PRELID2: variants seen among roughly 807,000 people sequenced by gnomAD.
PRELID2 encodes the protein PRELI domain containing 2, also known as PRELI domain-containing protein 2.
Under a neutral mutation model 28.4 loss-of-function variants are expected in PRELID2, and 25 were observed. The ratio of observed to expected loss-of-function variants is 0.88; its 90% CI spans 0.64 to 1.23. The LOEUF (loss-of-function observed/expected upper bound fraction) is 1.23, where lower values mean the gene tolerates loss of function less well. Among genes scored for constraint, PRELID2 ranks in the 50% most tolerant of loss-of-function variants. The probability of loss-of-function intolerance (pLI) is 0.00; values close to 1 mark genes in which losing one functional copy is unlikely to be tolerated. For missense variants in PRELID2, 201 were observed against 214.4 expected (o/e 0.94, Z 0.39); for synonymous variants, 76 against 71.6 (o/e 1.06, Z -0.31).
At chr5:145,630,786 T>G (rs891857747) in intron 1 of PRELID2, among the ~76,000 whole-genome samples, 2 of 152,202 alleles carry the variant, frequency 1.3e-5, no homozygotes, top group Non-Finnish European at 2.9e-5. Flanking sequence ...AAGAAACTAC[T>G]GCTCACCTTT....
At chr5:145,254,298 A>C in the PRELID2 span, among the ~76,000 whole-genome samples, 1 of 152,200 alleles carries the variant, frequency 6.6e-6, no homozygotes, top group African/African-American at 2.4e-5. Flanking sequence ...TTGTATATCC[A>C]ATAAATATTA....
downstream of PRELID2, among the ~76,000 whole-genome samples, chr5:145,469,368 C>T (rs1354089674): frequency 2.0e-5 from 3 of 152,194 alleles, no homozygotes; most frequent in East Asian, 3.9e-4. Context: ...AAGTAAAAAA[C>T]AGAAGGGTCC....
chr5:145,290,077 G>A, the PRELID2 span, among the ~76,000 whole-genome samples: 3 of 152,248 alleles, frequency 2.0e-5, no homozygotes, highest in East Asian at 3.9e-4. Context: ...TTAGAATGGT[G>A]ATCATTAAAA....
At position 145,800,301 on chromosome 5, in the gene PRELID2, TACAC is replaced by T. The variant is rs10555229; in HGVS notation, c.369-3758_369-3755del. 2.9e-3 allele frequency among the ~76,000 whole-genome samples: 400 copies of T among 138,550 alleles called. 1 individual carries two copies. Among genetic ancestry groups the T allele is most frequent in the African/African-American group, 9.1e-3 (338 of 37,158 alleles). The allele number at this position is 138,550 out of a possible 152,430, so 90.9% of individuals were successfully genotyped here. Reference sequence around the variant, plus strand: ...CCCCTTCCCTTTCCTCCCCTTCTCTTACACACACACACACACACACACACACACA... The same window carrying T: ...CCCCTTCCCTTTCCTCCCCTTCTCTTACACACACACACACACACACACACA... On this transcript the variant is annotated intron_variant, in intron 4 of 6. Transcript: ENST00000683046.
intron 1 of PRELID2, chr5:145,825,987 G>A: frequency 1.0e-6 from 1 of 982,780 alleles, no homozygotes; most frequent in Non-Finnish European, 1.2e-6. Flanking sequence ...GTCAATACCA[G>A]GAACACTTAC....
chr5:145,755,722 A>G (rs1205769436), downstream of PRELID2, among the ~76,000 whole-genome samples: 4 of 138,346 alleles, frequency 2.9e-5, no homozygotes, highest in Non-Finnish European at 6.2e-5. Context: ...ATATAATGAT[A>G]CACGCCTTCT....
At chr5:145,529,468 A>T (rs1752637467) in intron 1 of PRELID2, among the ~76,000 whole-genome samples, 1 of 152,200 alleles carries the variant, frequency 6.6e-6, no homozygotes, top group African/African-American at 2.4e-5. Context: ...TTCATGGTTT[A>T]TAAAGTACTT....
the PRELID2 span, among the ~76,000 whole-genome samples, chr5:145,379,894 G>A: frequency 6.6e-6 from 1 of 152,130 alleles, no homozygotes; most frequent in African/African-American, 2.4e-5. Flanking sequence ...AGATCCCCAG[G>A]AGAGACCAGC....
chr5:145,435,994 A>C, the PRELID2 span, among the ~76,000 whole-genome samples: 1 of 152,140 alleles, frequency 6.6e-6, no homozygotes, highest in Admixed American at 6.5e-5. Context: ...TATATGGGAA[A>C]ATTGTGTGTC....
chr5:145,817,421 T>TTATATATATATATTTATATATATATATA (rs1554099436), intron 4 of PRELID2, among the ~76,000 whole-genome samples: 38 of 103,586 alleles, frequency 3.7e-4, no homozygotes, highest in Non-Finnish European at 4.1e-4. Flanking sequence ...TAAGCTAGTT[T>TTATATATATATATTTATATATATATATA]TATATATATA....
At chr5:145,768,573 A>T (rs1757916083) in intron 5 of PRELID2, among the ~76,000 whole-genome samples, 1 of 152,172 alleles carries the variant, frequency 6.6e-6, no homozygotes, top group South Asian at 2.1e-4. Context: ...AAAAACTATC[A>T]CATTAATTCT....
chr5:145,795,038 A>G (rs1440342276), intron 5 of PRELID2: 1 of 152,082 alleles, frequency 6.6e-6, no homozygotes, highest in East Asian at 1.9e-4. Flanking sequence ...CCTCCCCCTC[A>G]AAAAAATCCC....
At chr5:145,600,434 A>AAATATAT (rs1315631607) in intron 1 of PRELID2, among the ~76,000 whole-genome samples, 7 of 120,094 alleles carry the variant, frequency 5.8e-5, no homozygotes, top group African/African-American at 1.6e-4. Context: ...AAAAAAAAAA[A>AAATATAT]ATATATATAT....
chr5:145,253,493 T>C, the PRELID2 span, among the ~76,000 whole-genome samples: 1 of 152,108 alleles, frequency 6.6e-6, no homozygotes, highest in Non-Finnish European at 1.5e-5. Context: ...GAGATCCATC[T>C]GACATCCATG....
At chr5:145,386,269 G>A in the PRELID2 span, among the ~76,000 whole-genome samples, 1 of 151,940 alleles carries the variant, frequency 6.6e-6, no homozygotes, top group African/African-American at 2.4e-5. Context: ...GCATGGAGGT[G>A]GAGGTAACCA....
At chr5:145,262,160 T>C in the PRELID2 span, among the ~76,000 whole-genome samples, 2 of 151,976 alleles carry the variant, frequency 1.3e-5, no homozygotes, top group East Asian at 1.9e-4. Flanking sequence ...GAAAAAAGAA[T>C]TTTAGAAAAT....
chr5:145,306,808 C>G, the PRELID2 span, among the ~76,000 whole-genome samples: 158 of 151,906 alleles, frequency 1.0e-3, 1 homozygote, highest in Middle Eastern at 3.5e-3. Flanking sequence ...ACCAGTCCAT[C>G]AACAGAATAT....
intron 1 of PRELID2, among the ~76,000 whole-genome samples, chr5:145,548,892 A>T (rs1430657061): frequency 1.3e-5 from 2 of 152,152 alleles, no homozygotes; most frequent in African/African-American, 4.8e-5. Flanking sequence ...ACCCCTGATA[A>T]TCCCAATCAA....
chr5:145,405,981 A>G, the PRELID2 span, among the ~76,000 whole-genome samples: 2 of 152,150 alleles, frequency 1.3e-5, no homozygotes, highest in Admixed American at 1.3e-4. Flanking sequence ...CTGGGGTTAC[A>G]GGTGTGAGCC....
Sources: gnomAD v4.1 joint callset for allele counts (sites outside exome capture counted in the v4.1 genomes callset) on GRCh38, gnomAD v4.1.1 for gene constraint, MANE v1.5 for transcripts, NCBI Gene and HGNC (gene_info 2026-07-23, HGNC 2026-07-21) for gene names.